Variants in FAM163A observed in about 807,000 individuals in gnomAD.
FAM163A encodes family with sequence similarity 163 member A.
A neutral mutation model predicts 12.0 loss-of-function variants in FAM163A; 7 were observed. The ratio of observed to expected loss-of-function variants is 0.58; its 90% CI spans 0.33 to 1.10. The LOEUF (loss-of-function observed/expected upper bound fraction) is 1.10. FAM163A is among the 50% of genes least tolerant of loss of function. FAM163A has a pLI of 0.03. For missense variants in FAM163A, 202 were observed against 218.6 expected, an observed-to-expected ratio of 0.92 and a Z score of 0.48; for synonymous variants, 101 against 91.0, an observed-to-expected ratio of 1.11 and a Z score of -0.62.
At chr1:179,799,706 T>C (rs943732184) in intron 1 of FAM163A, among the ~76,000 whole-genome samples, 8 of 152,222 alleles carry the variant, frequency 5.3e-5, no homozygotes, top group African/African-American at 1.9e-4. Flanking sequence ...CCAAGTCCAA[T>C]GTGAACCAAA....
At chr1:179,779,537 G>A (rs183670715) in intron 1 of FAM163A, among the ~76,000 whole-genome samples, 36 of 152,364 alleles carry the variant, frequency 2.4e-4, no homozygotes, top group Admixed American at 6.5e-4. Flanking sequence ...ATGGGTCTCA[G>A]AGAAAGAGCT....
rs773805534 is a variant in FAM163A at position 179,813,846 on chromosome 1, C to T, written c.161C>T (p.Pro54Leu). Reference sequence around the variant, plus strand: ...GAGGAGGAGCGGGAGCACGACCTTCCCACGCATCCCAGAGGCCCCACCTGC... The same window carrying T: ...GAGGAGGAGCGGGAGCACGACCTTCTCACGCATCCCAGAGGCCCCACCTGC... The part of the protein sequence containing the change: ...DEEEEREHDL[P>L]THPRGPTCNA... The change falls in exon 5 of 5, where the codon CCC becomes CTC. Residue 54 changes from proline to leucine, a missense_variant. Transcript: ENST00000341785. 5 of 1,614,014 alleles carry T rather than the reference C, an allele frequency of 3.1e-6. No homozygotes were observed. Among genetic ancestry groups the T allele is most frequent in the Non-Finnish European group, 4.2e-6 (5 of 1,180,028 alleles).
At chr1:179,782,636 C>T (rs1285225859) in intron 1 of FAM163A, among the ~76,000 whole-genome samples, 1 of 152,168 alleles carries the variant, frequency 6.6e-6, no homozygotes, top group Non-Finnish European at 1.5e-5. Context: ...CATCTCCTTC[C>T]CTTTCTAGAA....
Position 179,814,121 on chromosome 1 carries a change from C to T in FAM163A, c.436C>T (p.Pro146Ser), listed in dbSNP as rs904945024. 2 of 1,614,188 alleles carry T rather than the reference C, an allele frequency of 1.2e-6. No homozygotes were observed. Among genetic ancestry groups the T allele is most frequent in the Non-Finnish European group, 1.7e-6 (2 of 1,180,034 alleles). Reference sequence around the variant, plus strand: ...CAAATTGGCAGCACCCCAGAGTTACCCGGTGACCTGGCCAGGCTCTGGGCG... The same window carrying T: ...CAAATTGGCAGCACCCCAGAGTTACTCGGTGACCTGGCCAGGCTCTGGGCG... ...SLKLAAPQSYPVTWPGSGREA... is the reference protein window; with the variant it reads ...SLKLAAPQSYSVTWPGSGREA... The change falls in exon 5 of 5, where the codon CCG (proline) becomes TCG (serine). Residue 146 changes from proline (P) to serine (S), a missense_variant. Transcript: ENST00000341785.
rs141576399 is a variant in FAM163A, at chr1:179,777,174, T to C, written c.-135-30624T>C. Among the ~76,000 whole-genome samples, 742 of 152,314 alleles carry C rather than the reference T, an allele frequency of 4.9e-3. 7 individuals carry two copies. Among genetic ancestry groups the C allele is most frequent in the African/African-American group, 0.017 (716 of 41,558 alleles). Reference sequence around the variant, plus strand: ...GTTGTGAATAGTGCTGCTCTGAACATGCAGGTACCTGTATTTGTTTGAGTA... The same window carrying C: ...GTTGTGAATAGTGCTGCTCTGAACACGCAGGTACCTGTATTTGTTTGAGTA... On this transcript the variant is annotated intron_variant, in intron 1 of 4. Coordinates refer to ENST00000341785, the MANE Select transcript of FAM163A (RefSeq NM_173509.3).
At chr1:179,771,681 C>T (rs1688311474) in intron 1 of FAM163A, among the ~76,000 whole-genome samples, 1 of 152,280 alleles carries the variant, frequency 6.6e-6, no homozygotes, top group East Asian at 1.9e-4. Flanking sequence ...TCCCTTTCCT[C>T]CCCAGAGACG....
At chr1:179,771,712 C>T (rs1688318059) in intron 1 of FAM163A, among the ~76,000 whole-genome samples, 1 of 152,114 alleles carries the variant, frequency 6.6e-6, no homozygotes, top group South Asian at 2.1e-4. Flanking sequence ...TCCACATCAT[C>T]ACAGCTCCAC....
chr1:179,781,376 G>T (rs898561430), intron 1 of FAM163A, among the ~76,000 whole-genome samples: 10 of 151,868 alleles, frequency 6.6e-5, no homozygotes, highest in Non-Finnish European at 1.5e-4. Flanking sequence ...ACTTCTCTCT[G>T]ATCTCCCCTT....
At chr1:179,784,627 G>A (rs1321277009) in intron 1 of FAM163A, among the ~76,000 whole-genome samples, 1 of 152,152 alleles carries the variant, frequency 6.6e-6, no homozygotes, top group East Asian at 1.9e-4. Context: ...CCCTTGAGGG[G>A]CTTATCTTGA....
intron 1 of FAM163A, among the ~76,000 whole-genome samples, chr1:179,789,442 A>G (rs907531455): frequency 1.3e-5 from 2 of 152,212 alleles, no homozygotes; most frequent in African/African-American, 4.8e-5. Flanking sequence ...TTGGCCTCCC[A>G]AAGTGCCGGG....
chr1:179,742,761 C>G (rs1352207301), upstream of FAM163A: 1 of 152,384 alleles, frequency 6.6e-6, no homozygotes, highest in Non-Finnish European at 1.5e-5. Flanking sequence ...CCTGCCTCTT[C>G]CTGCCAGACT....
intron 1 of FAM163A, among the ~76,000 whole-genome samples, chr1:179,743,968 G>A (rs1245097531): frequency 6.6e-6 from 1 of 152,228 alleles, no homozygotes; most frequent in Non-Finnish European, 1.5e-5. Flanking sequence ...GGGTCTGCTG[G>A]GCCAATGCGC....
At chr1:179,738,891 C>A (rs1018518575), upstream of FAM163A, among the ~76,000 whole-genome samples, 1 of 152,086 alleles carries the variant, frequency 6.6e-6, no homozygotes, top group African/African-American at 2.4e-5. Flanking sequence ...ATAAAGTGGG[C>A]AGAATCAGAC....
At chr1:179,789,896 G>A (rs1691197416) in intron 1 of FAM163A, among the ~76,000 whole-genome samples, 1 of 152,230 alleles carries the variant, frequency 6.6e-6, no homozygotes, top group Non-Finnish European at 1.5e-5. Context: ...CATGGCAGAA[G>A]AGTAGGACTA....
chr1:179,812,769 T>C (rs1694875067), intron 3 of FAM163A, among the ~76,000 whole-genome samples: 1 of 152,102 alleles, frequency 6.6e-6, no homozygotes, highest in South Asian at 2.1e-4. Context: ...TTCCTCTGTG[T>C]CTGCAGCCAC....
chr1:179,765,787 G>A (rs2148073361), intron 1 of FAM163A, among the ~76,000 whole-genome samples: 1 of 151,108 alleles, frequency 6.6e-6, no homozygotes, highest in Non-Finnish European at 1.5e-5. Context: ...CTTGAATGGT[G>A]GACAAAGGGT....
intron 1 of FAM163A, among the ~76,000 whole-genome samples, chr1:179,744,279 C>T (rs1684111255): frequency 1.3e-5 from 2 of 152,146 alleles, no homozygotes; most frequent in South Asian, 2.1e-4. Flanking sequence ...GCCCTGCGCG[C>T]TCAAGGCGCC....
chr1:179,760,967 C>T (rs181755449), intron 1 of FAM163A, among the ~76,000 whole-genome samples: 353 of 152,344 alleles, frequency 2.3e-3, no homozygotes, highest in Admixed American at 3.5e-3. Context: ...ACTCATGCTG[C>T]TCCCTAACTC....
At chr1:179,796,181 G>A (rs1692291780) in intron 1 of FAM163A, among the ~76,000 whole-genome samples, 1 of 151,192 alleles carries the variant, frequency 6.6e-6, no homozygotes, top group African/African-American at 2.4e-5. Context: ...GGTTTGGGAT[G>A]TACATCAATG....
Sources: gnomAD v4.1 joint callset for allele counts (sites outside exome capture counted in the v4.1 genomes callset) on GRCh38, gnomAD v4.1.1 for gene constraint, MANE v1.5 for transcripts, NCBI Gene and HGNC (gene_info 2026-07-23, HGNC 2026-07-21) for gene names.